Variants in SMAD2 observed in about 807,000 individuals in gnomAD.
SMAD2 encodes the protein SMAD family member 2.
In SMAD2, 8 loss-of-function variants were observed where a neutral mutation model predicts 64.4. The ratio of observed to expected loss-of-function variants is 0.12; its 90% CI spans 0.07 to 0.22. The LOEUF is 0.22. Among genes scored for constraint, SMAD2 ranks in the 10% least tolerant of loss-of-function variants. The pLI, the probability that SMAD2 is intolerant of heterozygous loss-of-function variation, is 1.00. For missense variants in SMAD2, 289 were observed against 561.2 expected (o/e 0.51, Z 4.90); for synonymous variants, 203 against 195.8 (o/e 1.04, Z -0.31).
intron 10 of SMAD2, among the ~76,000 whole-genome samples, chr18:47,844,386 G>C (rs1476995954): frequency 6.6e-6 from 1 of 152,152 alleles, no homozygotes; most frequent in African/African-American, 2.4e-5. Context: ...GGCATATGGA[G>C]TAAGCAATAC....
At chr18:47,920,580 G>A (rs890150799) in intron 1 of SMAD2, among the ~76,000 whole-genome samples, 1 of 152,210 alleles carries the variant, frequency 6.6e-6, no homozygotes, top group African/African-American at 2.4e-5. Flanking sequence ...GCACAACTGG[G>A]CAGCAGGAGG....
At position 47,851,303 on chromosome 18, in the gene SMAD2, G is replaced by A; in HGVS notation, c.755C>T (p.Thr252Ile). ...GCTATGATTAACAGGGGAAAGAGTA[G>A]TAGGAGATAGTTCTGCTGGAGAGCC... Reference protein sequence around the residue: ...DTGSPAELSPTTLSPVNHSLD... With the variant: ...DTGSPAELSPITLSPVNHSLD... The change falls in exon 7 of 11, where the codon ACT becomes ATT. Residue 252 changes from threonine (T) to isoleucine (I), a missense_variant. By Grantham distance (89) the Thr-to-Ile change is moderately conservative. Coordinates refer to ENST00000262160, the MANE Select transcript of SMAD2 (RefSeq NM_005901.6). 5 of 1,609,882 alleles carry A rather than the reference G, an allele frequency of 3.1e-6. No homozygotes were observed. Among genetic ancestry groups the A allele is most frequent in the Non-Finnish European group, 4.2e-6 (5 of 1,176,582 alleles).
chr18:47,857,129 C>A (rs1390814675), intron 6 of SMAD2, among the ~76,000 whole-genome samples: 2 of 152,156 alleles, frequency 1.3e-5, no homozygotes, highest in Non-Finnish European at 2.9e-5. Flanking sequence ...AGTGACTATG[C>A]TAATTTTTTA....
At chr18:47,878,512 C>A (rs2032397751) in intron 2 of SMAD2, 1 of 152,108 alleles carries the variant, frequency 6.6e-6, no homozygotes, top group South Asian at 2.1e-4. Context: ...TGCCTGCAGT[C>A]CCAGCTATTT....
rs1913375329 is a variant in SMAD2 at position 47,835,944 on chromosome 18, A to G, written c.*5883T>C. 1 of 211,038 alleles carries G rather than the reference A, an allele frequency of 4.7e-6. No individual in the cohort carries two copies. The allele number at this position is 211,038 out of a possible 1,614,324, so 13.1% of individuals were successfully genotyped here. A position where few individuals can be genotyped will look rare whatever the true frequency, so the allele number is the denominator to read the frequency against. Reference sequence around the variant, plus strand: ...AAAAATCTAAAAGCCCTCTATGTTGAGTTAATACACCTTCTGACCCCCATC... The same window carrying G: ...AAAAATCTAAAAGCCCTCTATGTTGGGTTAATACACCTTCTGACCCCCATC... On this transcript the variant is annotated 3_prime_UTR_variant, in exon 11 of 11. Coordinates refer to ENST00000262160, the MANE Select transcript of SMAD2 (RefSeq NM_005901.6).
chr18:47,921,639 T>C (rs1240014865), intron 1 of SMAD2, among the ~76,000 whole-genome samples: 1 of 152,196 alleles, frequency 6.6e-6, no homozygotes, highest in African/African-American at 2.4e-5. Flanking sequence ...CAGAACACTT[T>C]TCATTTTTTA....
intron 1 of SMAD2, among the ~76,000 whole-genome samples, chr18:47,913,989 G>T (rs992648933): frequency 2.6e-5 from 4 of 152,134 alleles, no homozygotes; most frequent in Non-Finnish European, 5.9e-5. Flanking sequence ...AGGATTCTAC[G>T]ATTACTCACC....
At chr18:47,897,211 T>A (rs2033476322) in intron 1 of SMAD2, among the ~76,000 whole-genome samples, 1 of 152,052 alleles carries the variant, frequency 6.6e-6, no homozygotes, top group Non-Finnish European at 1.5e-5. Flanking sequence ...GTAAGCCCAC[T>A]CTCCCCCGGG....
intron 2 of SMAD2, among the ~76,000 whole-genome samples, chr18:47,881,694 T>C (rs2032599310): frequency 6.6e-6 from 1 of 152,208 alleles, no homozygotes. Context: ...CATGATTAAG[T>C]AAATCCTTAG....
At chr18:47,845,011 T>C (rs1274397681) in intron 10 of SMAD2, 24 of 546,726 alleles carry the variant, frequency 4.4e-5, no homozygotes, top group Non-Finnish European at 7.4e-5. Flanking sequence ...AACTAGATCA[T>C]GTGCCATCAA....
chr18:47,913,694 G>T (rs1000404899), intron 1 of SMAD2, among the ~76,000 whole-genome samples: 1 of 152,132 alleles, frequency 6.6e-6, no homozygotes, highest in African/African-American at 2.4e-5. Context: ...TGTGTTCCAG[G>T]TTAAAAACAA....
In SMAD2 at chr18:47,820,894, TATACACACACACACACACACACAC is replaced by T. The variant is rs1336855790; in HGVS notation, c.*20909_*20932del. 0.011 allele frequency: 1,115 copies of T among 103,032 alleles called. 12 individuals carry two copies. The highest frequency in any genetic ancestry group is 0.042 in the African/African-American group (1,029 of 24,344). The allele number at this position is 103,032 out of a possible 1,614,324, so 6.4% of individuals were successfully genotyped here. On this transcript the variant is annotated 3_prime_UTR_variant, in exon 11 of 11. Transcript: ENST00000262160. ...GATAGTGTAAATGCTATACATGCAC[TATACACACACACACACACACACAC>T]ACACACACACACACACACACACAAA...
chr18:47,839,179 A>G lies in SMAD2; in HGVS notation c.*2648T>C, dbSNP rs796647775. ...GGTGTTTTCAAAGAGTTGAGTCCCAATTTCATACTGTACAGAAAAATCGCA... is the reference window on the plus strand; with the variant it reads ...GGTGTTTTCAAAGAGTTGAGTCCCAGTTTCATACTGTACAGAAAAATCGCA... On this transcript the variant is annotated 3_prime_UTR_variant, in exon 11 of 11. Coordinates refer to ENST00000262160, the MANE Select transcript of SMAD2 (RefSeq NM_005901.6). 4.3e-6 allele frequency: 1 copy of G among 233,352 alleles called. No individual in the cohort carries two copies. Among genetic ancestry groups the G allele is most frequent in the African/African-American group, 2.2e-5 (1 of 45,458 alleles). 14.5% of individuals were successfully genotyped at this position (233,352 alleles called of 1,614,324 possible).
Position 47,841,113 on chromosome 18 carries a change from A to G in SMAD2, c.*714T>C, listed in dbSNP as rs1787187. The G allele has an allele frequency of 1, 231,028 of 231,254 alleles. 115,401 individuals are homozygous for G. The highest frequency in any genetic ancestry group is 1 in the East Asian group (16,472 of 16,472). The allele number at this position is 231,254 out of a possible 1,614,324, so 14.3% of individuals were successfully genotyped here. ...AAAAAAGAGGCTTGGAAAGGTTTTC[A>G]GTATGGTTTCCTTATAATAAGATTT... is the stretch of plus-strand genomic sequence containing the variant. On this transcript the variant is annotated 3_prime_UTR_variant, in exon 11 of 11. Coordinates refer to ENST00000262160, the MANE Select transcript of SMAD2 (RefSeq NM_005901.6).
At chr18:47,903,646 AT>A (rs760977162) in intron 1 of SMAD2, among the ~76,000 whole-genome samples, 7 of 152,206 alleles carry the variant, frequency 4.6e-5, no homozygotes, top group Non-Finnish European at 1.0e-4. Flanking sequence ...GATAACTATA[AT>A]AAAAATGCTA....
intron 1 of SMAD2, among the ~76,000 whole-genome samples, chr18:47,925,570 TA>T (rs5824716): frequency 0.5 from 76,268 of 152,018 alleles, 20,035 homozygotes; most frequent in East Asian, 0.84. Flanking sequence ...CTTTGAGATG[TA>T]AATCTAGAAT....
intron 6 of SMAD2, among the ~76,000 whole-genome samples, chr18:47,862,260 C>T (rs931841232): frequency 6.6e-6 from 1 of 152,186 alleles, no homozygotes; most frequent in Admixed American, 6.5e-5. Context: ...CTCTCAAAAT[C>T]TTAATACTCA....
chr18:47,875,294 T>C (rs1458333159), intron 2 of SMAD2, among the ~76,000 whole-genome samples: 1 of 152,192 alleles, frequency 6.6e-6, no homozygotes, highest in African/African-American at 2.4e-5. Context: ...TTAAAGATTC[T>C]GTCTAACCAC....
chr18:47,858,375 G>A (rs1332510076), intron 6 of SMAD2, among the ~76,000 whole-genome samples: 1 of 152,164 alleles, frequency 6.6e-6, no homozygotes, highest in African/African-American at 2.4e-5. Context: ...AGGAGCCAAT[G>A]TAAATCAATG....
Sources: allele counts gnomAD v4.1 joint callset (sites outside exome capture counted in the v4.1 genomes callset), GRCh38; gene constraint gnomAD v4.1.1; transcripts MANE v1.5; gene names NCBI Gene and HGNC (gene_info 2026-07-23, HGNC 2026-07-21).